The following SNX29 variants were observed in gnomAD, a reference collection of about 807,000 sequenced individuals.
SNX29 encodes sorting nexin-29.
SNX29 carries 78 observed loss-of-function variants against 102.1 expected under a neutral mutation model. That is an observed-to-expected ratio of 0.76 (90% CI 0.64 to 0.92). SNX29 has a LOEUF of 0.92. Among genes scored for constraint, SNX29 ranks in the 40% least tolerant of loss-of-function variants. The pLI is 0.00. For missense variants in SNX29, 1,280 were observed against 1,061.7 expected, an observed-to-expected ratio of 1.21 and a Z score of -2.86; for synonymous variants, 580 against 414.5, an observed-to-expected ratio of 1.40 and a Z score of -4.85.
At chr16:12,514,691 C>T (rs1459027616) in intron 19 of SNX29, among the ~76,000 whole-genome samples, 1 of 152,178 alleles carries the variant, frequency 6.6e-6, no homozygotes, top group Non-Finnish European at 1.5e-5. Flanking sequence ...ATGGTGAAAC[C>T]CCGTCTCTAG....
At chr16:12,106,981 A>C (rs1164542727) in intron 11 of SNX29, among the ~76,000 whole-genome samples, 1 of 151,448 alleles carries the variant, frequency 6.6e-6, no homozygotes, top group Non-Finnish European at 1.5e-5. Context: ...ATGCCCAGCT[A>C]ATTTTGAAAT....
At chr16:12,157,531 C>T (rs1325518158) in intron 13 of SNX29, among the ~76,000 whole-genome samples, 1 of 152,156 alleles carries the variant, frequency 6.6e-6, no homozygotes, top group Non-Finnish European at 1.5e-5. Flanking sequence ...ATCCTTTTAC[C>T]TCAGGCCACT....
chr16:12,113,727 G>A (rs1335176411), intron 11 of SNX29, among the ~76,000 whole-genome samples: 1 of 152,240 alleles, frequency 6.6e-6, no homozygotes, highest in East Asian at 1.9e-4. Flanking sequence ...AGCCCCAGGG[G>A]CCATGGCAGA....
At chr16:12,226,596 C>CA (rs2077617834) in intron 14 of SNX29, among the ~76,000 whole-genome samples, 1 of 130,306 alleles carries the variant, frequency 7.7e-6, no homozygotes, top group Non-Finnish European at 1.6e-5. Flanking sequence ...TTTTTGGAGA[C>CA]AGAGTCTTGC....
intron 16 of SNX29, among the ~76,000 whole-genome samples, chr16:12,380,955 AT>A (rs1223935330): frequency 1.0e-4 from 5 of 48,354 alleles, no homozygotes; most frequent in East Asian, 7.0e-4. Flanking sequence ...CCATCCACCC[AT>A]CCATCAATTT....
chr16:12,097,557 C>CT (rs1412794312), intron 11 of SNX29, among the ~76,000 whole-genome samples: 3 of 148,914 alleles, frequency 2.0e-5, no homozygotes, highest in Non-Finnish European at 3.0e-5. Context: ...TTTTTTTGGT[C>CT]TTTTTTAGCA....
rs115199391 is a variant in SNX29 at position 12,562,939 on chromosome 16, G to C, written c.2319-5567G>C. Among the ~76,000 whole-genome samples the C allele has an allele frequency of 2.0e-3, 311 of 152,178 alleles. 1 individual carries two copies. The highest frequency in any genetic ancestry group is 6.9e-3 in the African/African-American group (288 of 41,464). ...GTCCATGTTGCCAAAAACCTGCATA[G>C]TAAGAAGCAAACATTCACCCAACAC... On this transcript the variant is annotated intron_variant, in intron 20 of 20. Coordinates refer to ENST00000566228, the MANE Select transcript of SNX29 (RefSeq NM_032167.5).
At chr16:12,237,491 C>G (rs919907921) in intron 14 of SNX29, among the ~76,000 whole-genome samples, 4 of 152,156 alleles carry the variant, frequency 2.6e-5, no homozygotes, top group Admixed American at 6.5e-5. Context: ...TGGGGCCTGG[C>G]CGGGTGCAGT....
At chr16:12,564,956 G>C (rs1041816822) in intron 20 of SNX29, among the ~76,000 whole-genome samples, 1 of 148,710 alleles carries the variant, frequency 6.7e-6, no homozygotes, top group Admixed American at 6.7e-5. Context: ...AAAAAAGGCT[G>C]TCATTGTAAA....
intron 13 of SNX29, among the ~76,000 whole-genome samples, chr16:12,191,051 C>A (rs1186114879): frequency 6.6e-6 from 1 of 152,102 alleles, no homozygotes; most frequent in Non-Finnish European, 1.5e-5. Context: ...ACAATTTTTC[C>A]ATGGGGATGG....
At chr16:12,049,889 T>A (rs1567564865) in intron 7 of SNX29, among the ~76,000 whole-genome samples, 1 of 152,192 alleles carries the variant, frequency 6.6e-6, no homozygotes, top group Admixed American at 6.5e-5. Context: ...AGTGCTGGGA[T>A]TACAAGTGTG....
chr16:12,067,328 G>T (rs73515684), intron 9 of SNX29, among the ~76,000 whole-genome samples: 6,395 of 152,036 alleles, frequency 0.042, 443 homozygotes, highest in African/African-American at 0.15. Flanking sequence ...CCCCTACAGA[G>T]CTGGGGGTTC....
chr16:12,078,412 T>C (rs1369206839), intron 10 of SNX29, among the ~76,000 whole-genome samples: 1 of 151,696 alleles, frequency 6.6e-6, no homozygotes, highest in Non-Finnish European at 1.5e-5. Flanking sequence ...GAGGTGGAGG[T>C]TACAGTGAGC....
At chr16:12,564,737 C>G (rs967585532) in intron 20 of SNX29, among the ~76,000 whole-genome samples, 1 of 152,046 alleles carries the variant, frequency 6.6e-6, no homozygotes, top group Admixed American at 6.6e-5. Flanking sequence ...TGCAGTTGTG[C>G]CTAACAACTG....
intron 13 of SNX29, among the ~76,000 whole-genome samples, chr16:12,139,837 G>T (rs186413274): frequency 1.3e-3 from 204 of 151,870 alleles, no homozygotes; most frequent in Non-Finnish European, 2.1e-3. Flanking sequence ...AAAAATTAGC[G>T]GTGCGTGGTG....
chr16:12,541,357 A>C (rs1203777102), intron 20 of SNX29, among the ~76,000 whole-genome samples: 1 of 152,188 alleles, frequency 6.6e-6, no homozygotes, highest in South Asian at 2.1e-4. Flanking sequence ...CATTCTTCAC[A>C]GAATTCCCTA....
At chr16:12,284,101 G>A (rs759868229) in intron 15 of SNX29, among the ~76,000 whole-genome samples, 1 of 152,230 alleles carries the variant, frequency 6.6e-6, no homozygotes, top group Non-Finnish European at 1.5e-5. Context: ...CTTCAGAGAT[G>A]TTCTATTCTT....
intron 19 of SNX29, among the ~76,000 whole-genome samples, chr16:12,502,796 A>G (rs979200023): frequency 1.3e-5 from 2 of 152,232 alleles, no homozygotes; most frequent in Non-Finnish European, 1.5e-5. Flanking sequence ...GTGGAAAGCA[A>G]TCACAGGTAT....
Position 12,568,586 on chromosome 16 carries a change from C to G in SNX29, c.2399C>G (p.Pro800Arg), listed in dbSNP as rs1161501074. The G allele has an allele frequency of 3.1e-6, 5 of 1,606,574 alleles. No individual in the cohort carries two copies. Among genetic ancestry groups the G allele is most frequent in the South Asian group, 1.1e-5 (1 of 91,082 alleles). The change falls in exon 21 of 21, where the codon CCC (proline) becomes CGC (arginine). Residue 800 changes from proline (P) to arginine (R), a missense_variant. Pro to Arg is a moderately radical substitution (Grantham distance 103). Transcript: ENST00000566228. ...TTCCCCAAACTGTCCCGGGGTCAGC[C>G]CCGGGAGACCCGCAACGTGGAGCCC... Reference protein sequence around the residue: ...SRFPKLSRGQPRETRNVEPQS... With the variant: ...SRFPKLSRGQRRETRNVEPQS...
Sources: gnomAD v4.1 joint callset for allele counts (sites outside exome capture counted in the v4.1 genomes callset) on GRCh38, gnomAD v4.1.1 for gene constraint, MANE v1.5 for transcripts, NCBI Gene and HGNC (gene_info 2026-07-23, HGNC 2026-07-21) for gene names.